CDH13: variants seen among roughly 807,000 people sequenced by gnomAD.
CDH13 encodes cadherin-13.
A neutral mutation model predicts 63.8 loss-of-function variants in CDH13; 24 were observed. The ratio of observed to expected loss-of-function variants is 0.38; its 90% confidence interval spans 0.27 to 0.53. The LOEUF (loss-of-function observed/expected upper bound fraction) is 0.53, where lower values mean the gene tolerates loss of function less well. Ranked by LOEUF, CDH13 falls within the 20% of genes least tolerant of loss-of-function variation. CDH13 has a pLI of 0.85. For missense variants in CDH13, 1,049 were observed against 903.1 expected (o/e 1.16, Z -2.07); for synonymous variants, 503 against 355.3 (o/e 1.42, Z -4.67).
intron 5 of CDH13, among the ~76,000 whole-genome samples, chr16:83,302,056 A>C: frequency 6.6e-6 from 1 of 152,046 alleles, no homozygotes; most frequent in Non-Finnish European, 1.5e-5. Flanking sequence ...TTACCTGAAA[A>C]ATGAAAGTGG....
chr16:83,702,316 A>G (rs1262939730), intron 10 of CDH13, among the ~76,000 whole-genome samples: 1 of 152,188 alleles, frequency 6.6e-6, no homozygotes, highest in Non-Finnish European at 1.5e-5. Context: ...CAATGGCTTA[A>G]CACAAAACTA....
intron 2 of CDH13, among the ~76,000 whole-genome samples, chr16:82,891,019 A>G (rs1185967201): frequency 6.8e-6 from 1 of 146,266 alleles, no homozygotes; most frequent in Non-Finnish European, 1.5e-5. Flanking sequence ...AGACTAGGAC[A>G]TTAAGTCATA....
chr16:83,765,476 C>T (rs1017812752), intron 11 of CDH13, among the ~76,000 whole-genome samples: 8 of 151,994 alleles, frequency 5.3e-5, no homozygotes, highest in African/African-American at 1.7e-4. Context: ...GGAAACCTGG[C>T]GTTATATTAT....
At chr16:82,973,886 C>T (rs765874583) in intron 2 of CDH13, among the ~76,000 whole-genome samples, 6 of 152,144 alleles carry the variant, frequency 3.9e-5, no homozygotes, top group Non-Finnish European at 8.8e-5. Context: ...CACATACTCA[C>T]ACACCTTATT....
chr16:83,579,773 G>A (rs901429686), intron 7 of CDH13, among the ~76,000 whole-genome samples: 7 of 152,038 alleles, frequency 4.6e-5, no homozygotes, highest in Non-Finnish European at 7.4e-5. Flanking sequence ...GAAGCCAAAT[G>A]TGCCATTGTG....
chr16:82,710,978 C>T (rs2031896542), intron 1 of CDH13, among the ~76,000 whole-genome samples: 1 of 150,726 alleles, frequency 6.6e-6, no homozygotes, highest in Non-Finnish European at 1.5e-5. Flanking sequence ...AGTGCATAAA[C>T]AAGGTGCAGA....
intron 2 of CDH13, among the ~76,000 whole-genome samples, chr16:83,010,836 T>C (rs1016964322): frequency 1.3e-5 from 2 of 152,240 alleles, no homozygotes; most frequent in Non-Finnish European, 2.9e-5. Flanking sequence ...GGAGCTTACG[T>C]GCAGTTGGTT....
rs1457616792 is a variant in CDH13 at position 83,797,721 on chromosome 16, C to T, written c.*2691C>T. The T allele has an allele frequency of 6.6e-6, 1 of 152,150 alleles. No homozygotes were observed. Among genetic ancestry groups the T allele is most frequent in the Non-Finnish European group, 1.5e-5 (1 of 68,040 alleles). 9.4% of individuals were successfully genotyped at this position (152,150 alleles called of 1,614,324 possible). ...TTAAAAAACGAAGTCAAGTAAGGAC[C>T]AGAAATTGCTTTTCCCAATTACTGA... is the stretch of plus-strand genomic sequence containing the variant. On this transcript the variant is annotated 3_prime_UTR_variant, in exon 14 of 14. Transcript: ENST00000567109.
intron 1 of CDH13, among the ~76,000 whole-genome samples, chr16:82,714,610 A>G (rs2032214591): frequency 6.8e-6 from 1 of 146,894 alleles, no homozygotes; most frequent in Non-Finnish European, 1.5e-5. Flanking sequence ...GCTACTCAGG[A>G]GCCTGAGGCA....
At position 83,752,038 on chromosome 16, in the gene CDH13, C is replaced by T. The variant is rs777092427; in HGVS notation, c.1681+3788C>T. ...CTGGACAGAGTACTGAGTACAGAAT[C>T]AGGGATGAAAATAAGCCAAGATTGT... On this transcript the variant is annotated intron_variant, in intron 11 of 13. Coordinates refer to ENST00000567109, the MANE Select transcript of CDH13 (RefSeq NM_001257.5). Among the ~76,000 whole-genome samples, 16 of 152,158 alleles carry T rather than the reference C, an allele frequency of 1.1e-4. 1 individual carries two copies. Among genetic ancestry groups the T allele is most frequent in the African/African-American group, 3.9e-4 (16 of 41,454 alleles).
intron 7 of CDH13, among the ~76,000 whole-genome samples, chr16:83,492,179 C>A (rs2074028549): frequency 6.8e-6 from 1 of 146,452 alleles, no homozygotes; most frequent in Admixed American, 7.0e-5. Context: ...ATGATGATAT[C>A]AAATCAAGCT....
intron 11 of CDH13, among the ~76,000 whole-genome samples, chr16:83,755,303 G>A (rs141875021): frequency 1.3e-5 from 2 of 152,186 alleles, no homozygotes; most frequent in African/African-American, 4.8e-5. Context: ...GATAAAGAAC[G>A]GGAAAAAATC....
intron 7 of CDH13, among the ~76,000 whole-genome samples, chr16:83,559,651 G>A (rs1408974623): frequency 6.6e-6 from 1 of 151,206 alleles, no homozygotes; most frequent in East Asian, 2.0e-4. Context: ...GGGAGGGAGG[G>A]AGCGAGGGAA....
chr16:82,661,056 G>T (rs1911885444), intron 1 of CDH13, among the ~76,000 whole-genome samples: 1 of 152,216 alleles, frequency 6.6e-6, no homozygotes, highest in Non-Finnish European at 1.5e-5. Context: ...TCTCCGTGAA[G>T]GAAAGGGGCT....
chr16:83,281,888 C>T (rs571681089), intron 5 of CDH13, among the ~76,000 whole-genome samples: 5 of 152,194 alleles, frequency 3.3e-5, no homozygotes, highest in East Asian at 1.9e-4. Context: ...ATTCTAACCT[C>T]GGCAACAGAG....
intron 7 of CDH13, among the ~76,000 whole-genome samples, chr16:83,534,042 A>G (rs1017540013): frequency 1.8e-4 from 27 of 152,148 alleles, no homozygotes; most frequent in African/African-American, 3.9e-4. Context: ...TAGTGGATGG[A>G]CAGTGTTGTA....
chr16:82,958,946 G>A (rs1906540015), intron 2 of CDH13, among the ~76,000 whole-genome samples: 2 of 152,232 alleles, frequency 1.3e-5, no homozygotes, highest in South Asian at 2.1e-4. Context: ...TTTTCCTGGT[G>A]CAGAAAGAGA....
At chr16:82,794,677 T>G (rs950366012) in intron 1 of CDH13, among the ~76,000 whole-genome samples, 2 of 152,222 alleles carry the variant, frequency 1.3e-5, no homozygotes, top group African/African-American at 4.8e-5. Flanking sequence ...TATGTTGCCA[T>G]GCCTTAGCCA....
chr16:83,235,485 G>A (rs956320829), intron 5 of CDH13, among the ~76,000 whole-genome samples: 4 of 152,070 alleles, frequency 2.6e-5, no homozygotes, highest in Non-Finnish European at 4.4e-5. Flanking sequence ...CTGCCTAGCC[G>A]GGCCCCACTC....
Sources: allele counts gnomAD v4.1 joint callset (sites outside exome capture counted in the v4.1 genomes callset), GRCh38; gene constraint gnomAD v4.1.1; transcripts MANE v1.5; gene names NCBI Gene and HGNC (gene_info 2026-07-23, HGNC 2026-07-21).